The following CDKL4 variants were observed in gnomAD, a reference collection of about 807,000 sequenced individuals.
CDKL4 encodes the protein cyclin-dependent kinase-like 4.
A neutral mutation model predicts 42.0 loss-of-function variants in CDKL4; 44 were observed. The ratio of observed to expected loss-of-function variants is 1.05; its 90% CI spans 0.82 to 1.35. The LOEUF (loss-of-function observed/expected upper bound fraction) is 1.35. Ranked by LOEUF, CDKL4 falls within the 40% of genes most tolerant of loss-of-function variation. The pLI is 0.00. For synonymous variants in CDKL4, 120 were observed against 121.6 expected (o/e 0.99, Z 0.09); for missense variants, 393 against 369.9 (o/e 1.06, Z -0.51).
chr2:39,220,210 T>G (rs1054183544), intron 3 of CDKL4, among the ~76,000 whole-genome samples: 1 of 152,156 alleles, frequency 6.6e-6, no homozygotes, highest in Non-Finnish European at 1.5e-5. Flanking sequence ...CCTTCCAAAC[T>G]TCTCTTCTCA....
Position 39,185,437 on chromosome 2 carries a change from TATAC to T in CDKL4, c.736-794_736-791del, listed in dbSNP as rs1675767065. ...ATACATATATATATACATATGTATA[TATAC>T]ATGTATATATACATATGTGTATATA... On this transcript the variant is annotated intron_variant, in intron 7 of 9. Coordinates refer to ENST00000451199, the Ensembl canonical transcript of CDKL4. Among the ~76,000 whole-genome samples the T allele has an allele frequency of 3.7e-4, 8 of 21,670 alleles. 2 individuals carry two copies. Among genetic ancestry groups the T allele is most frequent in the African/African-American group, 6.7e-4 (8 of 11,860 alleles). 14.2% of individuals were successfully genotyped at this position (21,670 alleles called of 152,430 possible).
At chr2:39,191,276 GTCGTCCTAGCTACT>G (rs1033900405) in intron 5 of CDKL4, among the ~76,000 whole-genome samples, 53 of 152,286 alleles carry the variant, frequency 3.5e-4, no homozygotes, top group African/African-American at 1.3e-3. Context: ...GCACATGCTT[GTCGTCCTAGCTACT>G]TGAGAAGCTG....
At position 39,203,700 on chromosome 2, in the gene CDKL4, T is replaced by C. The variant is rs1327005116; in HGVS notation, c.454+827A>G. On this transcript the variant is annotated intron_variant, in intron 5 of 9. Coordinates refer to ENST00000451199, the Ensembl canonical transcript of CDKL4. ...CTAATGGCAGCCCAGCATTTCATGA[T>C]ACTGATGCACCATGGTACTATGTGC... 2.6e-5 allele frequency among the ~76,000 whole-genome samples: 4 copies of C among 152,330 alleles called. No homozygotes were observed. The East Asian group carries it at 7.7e-4, about 29-fold the overall frequency.
At chr2:39,229,651 T>C in intron 1 of CDKL4, 63 bp from the exon 2 acceptor site, 1 of 702,362 alleles carries the variant, frequency 1.4e-6, no homozygotes. Flanking sequence ...ACAGGTTATA[T>C]ACAACCAATT....
At chr2:39,200,179 C>T (rs572762968) in intron 5 of CDKL4, among the ~76,000 whole-genome samples, 1 of 151,886 alleles carries the variant, frequency 6.6e-6, no homozygotes, top group African/African-American at 2.4e-5. Flanking sequence ...ATCAGTAGCC[C>T]CGCTATATAC....
At chr2:39,238,551 G>A (rs1397580687) in intron 1 of CDKL4, among the ~76,000 whole-genome samples, 3 of 152,006 alleles carry the variant, frequency 2.0e-5, no homozygotes, top group Non-Finnish European at 4.4e-5. Context: ...ACCCAGAATA[G>A]CCAAATCAAC....
chr2:39,209,790 T>C (rs1236643477), intron 4 of CDKL4, among the ~76,000 whole-genome samples: 1 of 152,226 alleles, frequency 6.6e-6, no homozygotes, highest in Non-Finnish European at 1.5e-5. Flanking sequence ...TTCTACTCTT[T>C]GAGACTATCA....
At chr2:39,239,649 T>C (rs1364072946) in intron 1 of CDKL4, among the ~76,000 whole-genome samples, 4 of 152,318 alleles carry the variant, frequency 2.6e-5, no homozygotes, top group Middle Eastern at 6.8e-3. Context: ...TGCAATAAGA[T>C]AGCATTACAT....
At chr2:39,242,536 C>G (rs1276964440) in intron 1 of CDKL4, among the ~76,000 whole-genome samples, 1 of 152,142 alleles carries the variant, frequency 6.6e-6, no homozygotes, top group Non-Finnish European at 1.5e-5. Flanking sequence ...TTGAGTGGCT[C>G]ACTAAATTCT....
intron 7 of CDKL4, among the ~76,000 whole-genome samples, chr2:39,185,127 C>T (rs148068488): frequency 0.039 from 5,236 of 134,298 alleles, 469 homozygotes; most frequent in African/African-American, 0.14. Flanking sequence ...TATACACACA[C>T]ATATATATAC....
the CDKL4 span, among the ~76,000 whole-genome samples, chr2:39,170,160 G>A: frequency 2.6e-5 from 4 of 151,562 alleles, no homozygotes; most frequent in Non-Finnish European, 5.9e-5. Flanking sequence ...CACCATGCCT[G>A]GTCCTAACTA....
chr2:39,178,910 G>A (rs1675281669), intron 9 of CDKL4: 8 of 1,451,494 alleles, frequency 5.5e-6, no homozygotes, highest in South Asian at 1.5e-5. Context: ...ATGGGTATAC[G>A]ATCTTGTGGG....
chr2:39,220,722 T>C (rs1678254661), intron 3 of CDKL4, among the ~76,000 whole-genome samples: 1 of 151,710 alleles, frequency 6.6e-6, no homozygotes, highest in African/African-American at 2.4e-5. Flanking sequence ...GTAGCTGGGA[T>C]TACAGGCACC....
intron 8 of CDKL4, among the ~76,000 whole-genome samples, chr2:39,179,957 A>C (rs1572937334): frequency 2.0e-5 from 3 of 152,294 alleles, no homozygotes; most frequent in African/African-American, 7.2e-5. Flanking sequence ...GACCATTAGA[A>C]GCCTCTAGGT....
At chr2:39,171,198 C>T (rs1342854791), downstream of CDKL4, among the ~76,000 whole-genome samples, 5 of 149,948 alleles carry the variant, frequency 3.3e-5, no homozygotes, top group Admixed American at 6.7e-5. Flanking sequence ...GAGATTATGC[C>T]ACTGCACTCT....
intron 5 of CDKL4, among the ~76,000 whole-genome samples, chr2:39,199,678 T>C (rs1676732358): frequency 6.6e-6 from 1 of 152,102 alleles, no homozygotes; most frequent in Admixed American, 6.5e-5. Flanking sequence ...GCAGGGATGG[T>C]TTAACATCTG....
chr2:39,201,574 T>C (rs1431968501), intron 5 of CDKL4, among the ~76,000 whole-genome samples: 4 of 152,062 alleles, frequency 2.6e-5, no homozygotes, highest in Admixed American at 6.6e-5. Flanking sequence ...AGCCCAAATG[T>C]CCATCAATCA....
intron 1 of CDKL4, among the ~76,000 whole-genome samples, chr2:39,233,726 C>T (rs549031484): frequency 1.1e-4 from 16 of 146,424 alleles, no homozygotes; most frequent in Non-Finnish European, 2.1e-4. Context: ...AAATCATTTA[C>T]AAAAAAAAAC....
At chr2:39,168,855 C>T in the CDKL4 span, among the ~76,000 whole-genome samples, 5 of 151,244 alleles carry the variant, frequency 3.3e-5, no homozygotes, top group African/African-American at 9.7e-5. Flanking sequence ...CTCCTGGGTT[C>T]AAGCGATTCT....
Sources: allele counts gnomAD v4.1 joint callset (sites outside exome capture counted in the v4.1 genomes callset), GRCh38; gene constraint gnomAD v4.1.1; transcripts MANE v1.5; gene names NCBI Gene and HGNC (gene_info 2026-07-23, HGNC 2026-07-21).